Variants in EXOC4 observed in about 807,000 individuals in gnomAD.
EXOC4 encodes SEC8-like 1.
Under a neutral mutation model 107.2 loss-of-function variants are expected in EXOC4, and 71 were observed. The observed-to-expected ratio is 0.66, with a 90% CI of 0.55 to 0.81. The LOEUF is 0.81. EXOC4 is among the 30% of genes least tolerant of loss of function. The probability of loss-of-function intolerance (pLI) is 0.00; values close to 1 mark genes in which losing one functional copy is unlikely to be tolerated. For synonymous variants in EXOC4, 456 were observed against 441.2 expected (o/e 1.03, Z -0.42); for missense variants, 1,108 against 1,189.6 (o/e 0.93, Z 1.01).
intron 9 of EXOC4, among the ~76,000 whole-genome samples, chr7:133,605,245 A>G (rs967234780): frequency 6.6e-6 from 1 of 152,216 alleles, no homozygotes; most frequent in African/African-American, 2.4e-5. Context: ...ACAAGAGCAA[A>G]CAAAACAAAG....
chr7:133,815,809 T>C (rs1191548504), intron 10 of EXOC4, among the ~76,000 whole-genome samples: 2 of 152,246 alleles, frequency 1.3e-5, no homozygotes, highest in African/African-American at 4.8e-5. Flanking sequence ...GCCTCTCCAA[T>C]GGCAGCAGTG....
chr7:133,319,348 T>C (rs1489997435), intron 5 of EXOC4, among the ~76,000 whole-genome samples: 1 of 152,262 alleles, frequency 6.6e-6, no homozygotes, highest in Non-Finnish European at 1.5e-5. Context: ...TTCTGGAGTT[T>C]GCATTCATTA....
intron 9 of EXOC4, among the ~76,000 whole-genome samples, chr7:133,540,592 C>T (rs4363141): frequency 0.15 from 22,218 of 152,154 alleles, 2,031 homozygotes; most frequent in Non-Finnish European, 0.2. Flanking sequence ...CTTTCATTTA[C>T]TAATGCAAAG....
chr7:133,881,287 T>TACCCCCTTC (rs1798962204), intron 11 of EXOC4, among the ~76,000 whole-genome samples: 2 of 78,838 alleles, frequency 2.5e-5, no homozygotes, highest in African/African-American at 9.9e-5. Context: ...CTCCCCCACA[T>TACCCCCTTC]ACCCCCTTCA....
chr7:134,021,156 G>C (rs1207393880), intron 17 of EXOC4, among the ~76,000 whole-genome samples: 7 of 152,052 alleles, frequency 4.6e-5, no homozygotes, highest in Admixed American at 4.6e-4. Context: ...CTATCTAAGA[G>C]GAAACAAATT....
intron 3 of EXOC4, among the ~76,000 whole-genome samples, chr7:133,304,673 G>T (rs958031559): frequency 6.6e-6 from 1 of 152,178 alleles, no homozygotes; most frequent in Non-Finnish European, 1.5e-5. Flanking sequence ...GACTGCTGTA[G>T]TTGTGTGATC....
chr7:133,951,826 G>T (rs1000104274), intron 14 of EXOC4, among the ~76,000 whole-genome samples: 6 of 152,166 alleles, frequency 3.9e-5, no homozygotes, highest in Non-Finnish European at 7.3e-5. Flanking sequence ...CTTCCTCTGT[G>T]AACTTGTATG....
intron 13 of EXOC4, among the ~76,000 whole-genome samples, chr7:133,918,867 G>A (rs565418865): frequency 6.6e-6 from 1 of 152,234 alleles, no homozygotes; most frequent in African/African-American, 2.4e-5. Context: ...GCATTTTAAA[G>A]AAACAAAGAC....
chr7:133,455,463 T>C (rs1279527155), intron 7 of EXOC4, among the ~76,000 whole-genome samples: 2 of 152,120 alleles, frequency 1.3e-5, no homozygotes, highest in African/African-American at 4.8e-5. Context: ...TCTGACAAAG[T>C]TTAGGAATAC....
At chr7:133,382,135 A>C (rs1796632547) in intron 7 of EXOC4, among the ~76,000 whole-genome samples, 1 of 152,164 alleles carries the variant, frequency 6.6e-6, no homozygotes, top group African/African-American at 2.4e-5. Context: ...TAAGACAGGC[A>C]AACTATTTTG....
At chr7:133,331,090 G>A (rs1023430157) in intron 5 of EXOC4, among the ~76,000 whole-genome samples, 4 of 152,140 alleles carry the variant, frequency 2.6e-5, no homozygotes, top group African/African-American at 9.7e-5. Flanking sequence ...AGTGCGATCA[G>A]ATATAAAACA....
intron 7 of EXOC4, among the ~76,000 whole-genome samples, chr7:133,430,914 C>T (rs1797841928): frequency 6.6e-6 from 1 of 152,024 alleles, no homozygotes; most frequent in South Asian, 2.1e-4. Flanking sequence ...ATGGAAAATC[C>T]CTGAAGTTTA....
intron 10 of EXOC4, among the ~76,000 whole-genome samples, chr7:133,680,570 C>T (rs1329062220): frequency 6.6e-6 from 1 of 152,160 alleles, no homozygotes; most frequent in African/African-American, 2.4e-5. Context: ...ACTTCATTTT[C>T]AAGCAAGAAC....
At chr7:133,719,440 G>T (rs1042243066) in intron 10 of EXOC4, among the ~76,000 whole-genome samples, 1 of 151,954 alleles carries the variant, frequency 6.6e-6, no homozygotes, top group Non-Finnish European at 1.5e-5. Flanking sequence ...CAAATTAAAA[G>T]CAGGAAGACC....
At chr7:133,749,540 G>A (rs941721959) in intron 10 of EXOC4, among the ~76,000 whole-genome samples, 1 of 151,914 alleles carries the variant, frequency 6.6e-6, no homozygotes, top group East Asian at 1.9e-4. Context: ...CTACAGGGGC[G>A]CACCACCACA....
intron 10 of EXOC4, among the ~76,000 whole-genome samples, chr7:133,756,540 CAT>C: frequency 6.6e-6 from 1 of 152,328 alleles, no homozygotes; most frequent in Middle Eastern, 3.4e-3. Context: ...CTTTTTGTGT[CAT>C]ATACCCCACT....
intron 9 of EXOC4, among the ~76,000 whole-genome samples, chr7:133,543,594 C>A (rs1366625678): frequency 2.6e-5 from 4 of 152,064 alleles, no homozygotes; most frequent in African/African-American, 7.2e-5. Context: ...CACAATAATC[C>A]CAGTTCCTTT....
intron 10 of EXOC4, among the ~76,000 whole-genome samples, chr7:133,719,833 G>A (rs1455276152): frequency 2.0e-5 from 3 of 152,114 alleles, no homozygotes; most frequent in Non-Finnish European, 4.4e-5. Flanking sequence ...AAAGATTGCA[G>A]TGTCTTGTTC....
At chr7:133,336,720 TTTTA>T (rs774604475) in intron 5 of EXOC4, among the ~76,000 whole-genome samples, 1,588 of 29,488 alleles carry the variant, frequency 0.054, 16 homozygotes, top group South Asian at 0.17. Context: ...TTTTATTTTA[TTTTA>T]TTTATTTTAT....
Sources: gnomAD v4.1 joint callset for allele counts (sites outside exome capture counted in the v4.1 genomes callset) on GRCh38, gnomAD v4.1.1 for gene constraint, MANE v1.5 for transcripts, NCBI Gene and HGNC (gene_info 2026-07-23, HGNC 2026-07-21) for gene names.